TRHDE: variants seen among roughly 807,000 people sequenced by gnomAD.
The protein encoded by TRHDE is thyrotropin-releasing hormone-degrading ectoenzyme.
TRHDE carries 72 observed loss-of-function variants against 125.7 expected under a neutral mutation model. The observed-to-expected ratio is 0.57, with a 90% CI of 0.47 to 0.70. TRHDE has a LOEUF of 0.70. Ranked by LOEUF, TRHDE falls within the 30% of genes least tolerant of loss-of-function variation. TRHDE has a pLI of 0.00. For missense variants in TRHDE, 1,110 were observed against 1,327.1 expected (o/e 0.84, Z 2.54); for synonymous variants, 509 against 509.1 (o/e 1.00, Z 0.00).
chr12:72,310,962 C>A (rs1868515496), intron 2 of TRHDE, among the ~76,000 whole-genome samples: 1 of 151,896 alleles, frequency 6.6e-6, no homozygotes, highest in Non-Finnish European at 1.5e-5. Context: ...TCACTCTGGC[C>A]CCTCTACTTT....
At chr12:72,311,343 A>G (rs1868533214) in intron 2 of TRHDE, among the ~76,000 whole-genome samples, 1 of 152,168 alleles carries the variant, frequency 6.6e-6, no homozygotes, top group South Asian at 2.1e-4. Flanking sequence ...CTGTACATGT[A>G]TGAACATATC....
chr12:72,129,865 T>C (rs962617113), intron 2 of TRHDE, among the ~76,000 whole-genome samples: 1 of 152,116 alleles, frequency 6.6e-6, no homozygotes, highest in African/African-American at 2.4e-5. Flanking sequence ...CTATTTGCAA[T>C]AAAACAAAAA....
intron 12 of TRHDE, among the ~76,000 whole-genome samples, chr12:72,605,543 G>A (rs1872403058): frequency 6.6e-6 from 1 of 152,038 alleles, no homozygotes; most frequent in Non-Finnish European, 1.5e-5. Context: ...AAAGAATTGT[G>A]TATTTGAAGT....
intron 2 of TRHDE, among the ~76,000 whole-genome samples, chr12:72,214,743 A>G (rs913454482): frequency 1.3e-5 from 2 of 152,200 alleles, no homozygotes; most frequent in Non-Finnish European, 2.9e-5. Context: ...AACAGACCCT[A>G]TAAGACAAAA....
chr12:72,468,954 T>A lies in TRHDE; in HGVS notation c.1316-804T>A, dbSNP rs185658091. Among the ~76,000 whole-genome samples the A allele has an allele frequency of 3.0e-4, 46 of 152,334 alleles. 1 individual carries two copies. In the East Asian group the frequency reaches 3.1e-3, roughly 10 times the overall value. ...GGAGCAGAGGGAGTACATCGAAGCA[T>A]GAACTCTTTGTGTCACCATAACCAG... On this transcript the variant is annotated intron_variant, in intron 3 of 18. Coordinates refer to ENST00000261180, the MANE Select transcript of TRHDE (RefSeq NM_013381.3).
At chr12:72,152,268 G>A (rs1487493917) in intron 2 of TRHDE, among the ~76,000 whole-genome samples, 1 of 151,584 alleles carries the variant, frequency 6.6e-6, no homozygotes, top group Non-Finnish European at 1.5e-5. Context: ...CTTTGCTGAA[G>A]TTGCTTATCA....
rs572839918 is a variant in TRHDE, at chr12:72,199,393, T to A, written n.279+93641T>A. On this transcript the variant is annotated intron_variant and non_coding_transcript_variant, in intron 2 of 4. Coordinates refer to the TRHDE transcript ENST00000548156. ...GGAAATAAAAGGAAAGAGGGACAGG[T>A]AGAGTGCCAATGACTAGGAGGAGAG... Among the ~76,000 whole-genome samples, 187 of 152,230 alleles carry A rather than the reference T, an allele frequency of 1.2e-3. 1 individual carries two copies. The highest frequency in any genetic ancestry group is 4.2e-3 in the African/African-American group (175 of 41,532).
intron 3 of TRHDE, among the ~76,000 whole-genome samples, chr12:72,453,219 C>T (rs537089490): frequency 1.3e-5 from 2 of 152,248 alleles, no homozygotes; most frequent in South Asian, 4.1e-4. Context: ...GAGAAGGTCT[C>T]AGATGGAAAT....
chr12:72,458,609 C>G (rs1341164618), intron 3 of TRHDE, among the ~76,000 whole-genome samples: 2 of 152,166 alleles, frequency 1.3e-5, no homozygotes, highest in African/African-American at 2.4e-5. Context: ...CATTCAGCCT[C>G]TTAGTAGATA....
chr12:72,171,060 C>T (rs1017902530), intron 2 of TRHDE, among the ~76,000 whole-genome samples: 1 of 152,106 alleles, frequency 6.6e-6, no homozygotes, highest in South Asian at 2.1e-4. Flanking sequence ...ACAGTGGCCA[C>T]GTGTTTTAGC....
At chr12:72,331,026 G>A (rs1243331403) in intron 2 of TRHDE, among the ~76,000 whole-genome samples, 4 of 152,114 alleles carry the variant, frequency 2.6e-5, no homozygotes, top group African/African-American at 9.7e-5. Flanking sequence ...AACCACTGCC[G>A]ACATGAAACC....
At chr12:72,166,880 A>G (rs1876761385) in intron 2 of TRHDE, among the ~76,000 whole-genome samples, 1 of 151,166 alleles carries the variant, frequency 6.6e-6, no homozygotes, top group South Asian at 2.1e-4. Flanking sequence ...TATTTTGCCT[A>G]GAATGGAAGA....
chr12:72,470,188 G>C (rs889255179), intron 4 of TRHDE, among the ~76,000 whole-genome samples: 3 of 152,176 alleles, frequency 2.0e-5, no homozygotes, highest in Non-Finnish European at 4.4e-5. Context: ...CCCCTATCTG[G>C]TCAGTTATCA....
At chr12:72,549,072 G>T (rs1869553398) in intron 7 of TRHDE, among the ~76,000 whole-genome samples, 1 of 151,776 alleles carries the variant, frequency 6.6e-6, no homozygotes, top group Non-Finnish European at 1.5e-5. Flanking sequence ...CAATTATCAG[G>T]GTGGAAATTG....
chr12:72,396,049 C>G (rs1447395797), intron 3 of TRHDE, among the ~76,000 whole-genome samples: 1 of 152,032 alleles, frequency 6.6e-6, no homozygotes, highest in African/African-American at 2.4e-5. Flanking sequence ...CTTATAGAGG[C>G]CAATTCCTCC....
At chr12:72,322,764 A>G (rs888488511) in intron 2 of TRHDE, among the ~76,000 whole-genome samples, 1 of 152,164 alleles carries the variant, frequency 6.6e-6, no homozygotes, top group Admixed American at 6.6e-5. Flanking sequence ...TATTGGAAGA[A>G]ATACCTCACA....
chr12:72,173,610 A>G (rs1221566276), intron 2 of TRHDE, among the ~76,000 whole-genome samples: 1 of 152,154 alleles, frequency 6.6e-6, no homozygotes, highest in Non-Finnish European at 1.5e-5. Context: ...GGTGCAAATT[A>G]AAGGGAACCA....
At chr12:72,225,118 C>T (rs2628431) in intron 2 of TRHDE, among the ~76,000 whole-genome samples, 115,843 of 152,086 alleles carry the variant, frequency 0.76, 44,408 homozygotes, top group Non-Finnish European at 0.79. Context: ...TAATAGTATG[C>T]TGTCTGTCAT....
intron 2 of TRHDE, among the ~76,000 whole-genome samples, chr12:72,236,378 C>T (rs899329292): frequency 1.8e-4 from 27 of 150,936 alleles, no homozygotes; most frequent in African/African-American, 6.5e-4. Flanking sequence ...ACTATAAATA[C>T]AAAATGCTTA....
Sources: gnomAD v4.1 joint callset for allele counts (sites outside exome capture counted in the v4.1 genomes callset) on GRCh38, gnomAD v4.1.1 for gene constraint, MANE v1.5 for transcripts, NCBI Gene and HGNC (gene_info 2026-07-23, HGNC 2026-07-21) for gene names.